The following VPS13B variants were observed in gnomAD, a reference collection of about 807,000 sequenced individuals.
The protein encoded by VPS13B is intermembrane lipid transfer protein VPS13B.
In VPS13B, 285 loss-of-function variants were observed where a neutral mutation model predicts 426.4. The ratio of observed to expected loss-of-function variants is 0.67; its 90% CI spans 0.61 to 0.74. VPS13B has a LOEUF of 0.74. Ranked by LOEUF, VPS13B falls within the 30% of genes least tolerant of loss-of-function variation. VPS13B has a pLI of 0.00. For synonymous variants in VPS13B, 1,676 were observed against 1,676.4 expected, an observed-to-expected ratio of 1.00 and a Z score of 0.01; for missense variants, 4,537 against 4,782.6, an observed-to-expected ratio of 0.95 and a Z score of 1.51.
intron 17 of VPS13B, among the ~76,000 whole-genome samples, chr8:99,211,071 T>C (rs946012965): frequency 3.3e-5 from 5 of 152,114 alleles, no homozygotes; most frequent in South Asian, 2.1e-4. Flanking sequence ...CACAAGCCCA[T>C]TGGATTTTTT....
intron 40 of VPS13B, among the ~76,000 whole-genome samples, chr8:99,773,830 T>C (rs1489054533): frequency 1.3e-5 from 2 of 152,226 alleles, no homozygotes; most frequent in African/African-American, 4.8e-5. Flanking sequence ...AGGGGAAATA[T>C]TGAAATATAA....
At chr8:99,494,489 T>C (rs1263778162) in intron 25 of VPS13B, among the ~76,000 whole-genome samples, 1 of 152,184 alleles carries the variant, frequency 6.6e-6, no homozygotes, top group African/African-American at 2.4e-5. Context: ...TGTTAATTTC[T>C]TTATTGTTTG....
intron 39 of VPS13B, among the ~76,000 whole-genome samples, chr8:99,743,108 G>A (rs1809849038): frequency 1.3e-5 from 2 of 152,204 alleles, no homozygotes; most frequent in South Asian, 2.1e-4. Context: ...TCCTTAAGCT[G>A]ATAGGCAACT....
intron 28 of VPS13B, among the ~76,000 whole-genome samples, chr8:99,509,485 A>G (rs1317183264): frequency 6.6e-6 from 1 of 152,140 alleles, no homozygotes; most frequent in Non-Finnish European, 1.5e-5. Flanking sequence ...CTAAATTAAA[A>G]GCAAAATTAG....
At chr8:99,868,491 C>A (rs764382733) in intron 59 of VPS13B, 26 bp downstream of exon 59, 2 of 1,588,516 alleles carry the variant, frequency 1.3e-6, no homozygotes, top group South Asian at 2.3e-5. Context: ...ACCCATCAGG[C>A]CAACCCAGAC....
chr8:99,082,501 C>T (rs965711351), intron 3 of VPS13B, among the ~76,000 whole-genome samples: 1 of 152,092 alleles, frequency 6.6e-6, no homozygotes, highest in African/African-American at 2.4e-5. Context: ...CTTTTGTTGC[C>T]ATTGCTTTTG....
intron 2 of VPS13B, among the ~76,000 whole-genome samples, chr8:99,027,454 ACTT>A (rs964910893): frequency 4.6e-5 from 7 of 151,844 alleles, no homozygotes; most frequent in African/African-American, 1.4e-4. Flanking sequence ...TGAGATTGAC[ACTT>A]CTTCATGTTT....
chr8:99,604,391 A>G (rs953661312), intron 33 of VPS13B, among the ~76,000 whole-genome samples: 1 of 151,898 alleles, frequency 6.6e-6, no homozygotes, highest in Non-Finnish European at 1.5e-5. Flanking sequence ...ACACTTTACT[A>G]ACATCCTTTT....
chr8:99,674,083 GTA>G (rs1028240763), intron 35 of VPS13B, among the ~76,000 whole-genome samples: 1 of 152,012 alleles, frequency 6.6e-6, no homozygotes, highest in African/African-American at 2.4e-5. Flanking sequence ...GGAACATTCT[GTA>G]TATGTTTGTC....
chr8:99,702,212 T>C (rs1348296660), intron 36 of VPS13B, among the ~76,000 whole-genome samples: 1 of 152,190 alleles, frequency 6.6e-6, no homozygotes, highest in Admixed American at 6.5e-5. Context: ...TCAAGTAACA[T>C]TGTTCTACAT....
intron 35 of VPS13B, chr8:99,697,807 T>A (rs968944001): frequency 9.8e-6 from 6 of 611,678 alleles, no homozygotes; most frequent in Non-Finnish European, 1.9e-5. Flanking sequence ...TCAGGCACAT[T>A]CCAGAAAGCA....
chr8:99,254,848 G>T (rs1790345780), intron 17 of VPS13B, among the ~76,000 whole-genome samples: 1 of 152,080 alleles, frequency 6.6e-6, no homozygotes, highest in Admixed American at 6.5e-5. Context: ...TCACCATGTT[G>T]GCCAGGCTGG....
At chr8:99,669,442 T>A (rs773533302) in intron 35 of VPS13B, among the ~76,000 whole-genome samples, 5 of 152,124 alleles carry the variant, frequency 3.3e-5, no homozygotes, top group Non-Finnish European at 5.9e-5. Flanking sequence ...GACATTTAAA[T>A]GACAACAAAG....
intron 54 of VPS13B, among the ~76,000 whole-genome samples, chr8:99,842,910 T>C (rs1815784017): frequency 6.6e-6 from 1 of 152,106 alleles, no homozygotes; most frequent in Admixed American, 6.5e-5. Flanking sequence ...CCCAGCACTT[T>C]GGGAGATTAA....
chr8:99,616,763 T>A (rs1828111334), intron 33 of VPS13B, among the ~76,000 whole-genome samples: 1 of 152,208 alleles, frequency 6.6e-6, no homozygotes, highest in Non-Finnish European at 1.5e-5. Flanking sequence ...AGGCCGAAGT[T>A]GCGGTGAGCC....
At chr8:99,260,181 T>A (rs1423392352) in intron 17 of VPS13B, among the ~76,000 whole-genome samples, 1 of 152,020 alleles carries the variant, frequency 6.6e-6, no homozygotes. Context: ...GAATGCAACA[T>A]TGAAAATAGA....
chr8:99,805,316 CAGT>C (rs1351665540), intron 43 of VPS13B, among the ~76,000 whole-genome samples: 2 of 150,816 alleles, frequency 1.3e-5, no homozygotes, highest in East Asian at 1.9e-4. Context: ...AAAATCTTGA[CAGT>C]AGTTTTAAAA....
intron 3 of VPS13B, among the ~76,000 whole-genome samples, chr8:99,082,722 G>A (rs566837860): frequency 4.4e-4 from 67 of 152,200 alleles, no homozygotes; most frequent in African/African-American, 1.5e-3. Flanking sequence ...ATAGGGAATC[G>A]TTTCCCCATT....
chr8:99,425,959 G>T (rs1816679005), intron 21 of VPS13B, among the ~76,000 whole-genome samples: 1 of 151,768 alleles, frequency 6.6e-6, no homozygotes, highest in Admixed American at 6.6e-5. Context: ...TGTGCACATT[G>T]TGCAGGTTAG....
Sources: allele counts gnomAD v4.1 joint callset (sites outside exome capture counted in the v4.1 genomes callset), GRCh38; gene constraint gnomAD v4.1.1; transcripts MANE v1.5; gene names NCBI Gene and HGNC (gene_info 2026-07-23, HGNC 2026-07-21).